The following TENT5D variants were observed in gnomAD, a reference collection of about 807,000 sequenced individuals.
The protein encoded by TENT5D is cancer/testis antigen 112.
For missense variants in TENT5D, 191 were observed against 287.0 expected (o/e 0.67, Z 2.42); for synonymous variants, 103 against 100.6 (o/e 1.02, Z -0.15).
At chrX:80,411,065 A>T (rs1386468095) in intron 3 of TENT5D, among the ~76,000 whole-genome samples, 1 of 84,785 alleles carries the variant, frequency 1.2e-5, no homozygotes, top group Admixed American at 1.6e-4. Context: ...GGACACAGGA[A>T]GGGGAACATC....
chrX:80,382,565 GT>G (rs1252437121), intron 3 of TENT5D, among the ~76,000 whole-genome samples: 1 of 112,097 alleles, frequency 8.9e-6, no homozygotes, highest in Admixed American at 9.4e-5. Flanking sequence ...GCTACCTTTT[GT>G]TTAGGTGTGT....
chrX:80,392,495 C>CTTTTTTTTTTTTT (rs72029455), intron 3 of TENT5D, among the ~76,000 whole-genome samples: 5 of 24,304 alleles, frequency 2.1e-4, no homozygotes, highest in African/African-American at 6.0e-4. Flanking sequence ...TCATTTTATT[C>CTTTTTTTTTTTTT]TTTTTTTTTT....
chrX:80,336,209 T>C (rs1470003637), intron 2 of TENT5D, among the ~76,000 whole-genome samples: 1 of 111,393 alleles, frequency 9.0e-6, no homozygotes, highest in African/African-American at 3.3e-5. Flanking sequence ...AGTGTTTCAA[T>C]ATATAGGGGA....
chrX:80,343,794 A>T (rs896926555), intron 3 of TENT5D, among the ~76,000 whole-genome samples: 1 of 111,644 alleles, frequency 9.0e-6, no homozygotes, highest in African/African-American at 3.3e-5. Context: ...TTATTTTTTT[A>T]ATTAGTCACC....
chrX:80,347,781 T>C (rs1421788761), intron 3 of TENT5D, among the ~76,000 whole-genome samples: 1 of 112,240 alleles, frequency 8.9e-6, no homozygotes, highest in East Asian at 2.8e-4. Flanking sequence ...TCCTAGGTTT[T>C]CTTCTATGGT....
chrX:80,429,191 G>A (rs189429619), intron 1 of TENT5D, among the ~76,000 whole-genome samples: 255 of 111,766 alleles, frequency 2.3e-3, no homozygotes, highest in Non-Finnish European at 4.3e-3. Context: ...AAGCTGGACA[G>A]GGTTGAGGTG....
chrX:80,373,500 C>T (rs946788729), intron 3 of TENT5D, among the ~76,000 whole-genome samples: 1 of 111,481 alleles, frequency 9.0e-6, no homozygotes, highest in Non-Finnish European at 1.9e-5. Flanking sequence ...TATTAATTAG[C>T]GTCATTTCCA....
At chrX:80,424,949 C>T (rs761524716) in intron 1 of TENT5D, among the ~76,000 whole-genome samples, 3 of 112,106 alleles carry the variant, frequency 2.7e-5, no homozygotes, top group Non-Finnish European at 5.6e-5. Context: ...TGTTCTGGGC[C>T]TGTTAGAAAA....
intron 1 of TENT5D, among the ~76,000 whole-genome samples, chrX:80,431,408 A>G (rs2147565558): frequency 8.9e-6 from 1 of 112,064 alleles, no homozygotes; most frequent in Admixed American, 9.5e-5. Context: ...AATGTTAGGT[A>G]AAAACTGACT....
chrX:80,429,611 G>A (rs1393918743), intron 1 of TENT5D, among the ~76,000 whole-genome samples: 1 of 110,691 alleles, frequency 9.0e-6, no homozygotes, highest in African/African-American at 3.3e-5. Context: ...CCAGGACTCT[G>A]GATTTTATAG....
chrX:80,360,101 T>G (rs970876245), intron 3 of TENT5D, among the ~76,000 whole-genome samples: 1 of 111,957 alleles, frequency 8.9e-6, no homozygotes, highest in African/African-American at 3.2e-5. Flanking sequence ...GAAATCAGTT[T>G]ATAGCTTTTC....
intron 1 of TENT5D, among the ~76,000 whole-genome samples, chrX:80,421,589 C>T (rs1931884228): frequency 8.9e-6 from 1 of 112,493 alleles, no homozygotes; most frequent in African/African-American, 3.2e-5. Flanking sequence ...TCAAATTAAT[C>T]ATAAACTGAA....
chrX:80,372,723 C>T, intron 3 of TENT5D, among the ~76,000 whole-genome samples: 1 of 109,281 alleles, frequency 9.2e-6, no homozygotes, highest in Non-Finnish European at 1.9e-5. Context: ...CCCGTCTCTA[C>T]TAAAAATACA....
At chrX:80,356,254 C>T (rs913837617) in intron 3 of TENT5D, among the ~76,000 whole-genome samples, 1 of 111,770 alleles carries the variant, frequency 8.9e-6, no homozygotes, top group Non-Finnish European at 1.9e-5. Context: ...ACAAAAATGT[C>T]TGTTAAAATC....
rs147512942 is a variant in TENT5D at position 80,415,381 on chromosome X, G to T, written c.-141-23229G>T. On this transcript the variant is annotated intron_variant, in intron 3 of 4. Transcript: ENST00000538312. ...AGAATGGGCATACCTGTCCTGTTCT[G>T]GTTTGCAAGGGAAATCTTCCAGCTT... 5.5e-3 allele frequency among the ~76,000 whole-genome samples: 611 copies of T among 111,509 alleles called. 1 individual carries two copies. Among genetic ancestry groups the T allele is most frequent in the African/African-American group, 0.019 (588 of 30,692 alleles).
In TENT5D at chrX:80,349,821, C is replaced by G. The variant is rs144416055; in HGVS notation, c.-142+7257C>G. On this transcript the variant is annotated intron_variant, in intron 3 of 4. Transcript: ENST00000538312. ...AAATTTCCCTCTAAACACTGCTTTA[C>G]CTGTGTCCCAGAGATTCAGGTACAT... 5.2e-4 allele frequency among the ~76,000 whole-genome samples: 57 copies of G among 110,547 alleles called. 1 individual carries two copies. The East Asian group carries it at 0.016, about 31-fold the overall frequency.
intron 1 of TENT5D, among the ~76,000 whole-genome samples, chrX:80,426,752 A>C (rs1329095372): frequency 8.9e-6 from 1 of 112,096 alleles, no homozygotes; most frequent in Non-Finnish European, 1.9e-5. Flanking sequence ...TAGTAAAAAC[A>C]CATTTTACTG....
At chrX:80,435,407 A>G (rs779274315) in intron 1 of TENT5D, among the ~76,000 whole-genome samples, 2 of 112,046 alleles carry the variant, frequency 1.8e-5, no homozygotes, top group African/African-American at 3.2e-5. Context: ...AGATAAAAAC[A>G]CTGGAAACAT....
At chrX:80,381,322 A>C (rs1462178540) in intron 3 of TENT5D, among the ~76,000 whole-genome samples, 1 of 112,005 alleles carries the variant, frequency 8.9e-6, no homozygotes, top group African/African-American at 3.2e-5. Context: ...TTCTGCTGAG[A>C]GATCTGCTGT....
Sources: allele counts gnomAD v4.1 joint callset (sites outside exome capture counted in the v4.1 genomes callset), GRCh38; gene constraint gnomAD v4.1.1; transcripts MANE v1.5; gene names NCBI Gene and HGNC (gene_info 2026-07-23, HGNC 2026-07-21).